Variants in AK5 observed in about 807,000 individuals in gnomAD.
AK5 encodes the protein adenylate kinase isoenzyme 5.
In AK5, 27 loss-of-function variants were observed where a neutral mutation model predicts 69.5. The ratio of observed to expected loss-of-function variants is 0.39; its 90% confidence interval spans 0.29 to 0.54. The LOEUF (loss-of-function observed/expected upper bound fraction) is 0.54. Among genes scored for constraint, AK5 ranks in the 20% least tolerant of loss-of-function variants. The probability of loss-of-function intolerance (pLI) is 0.71; values close to 1 mark genes in which losing one functional copy is unlikely to be tolerated. For missense variants in AK5, 531 were observed against 700.4 expected, an observed-to-expected ratio of 0.76 and a Z score of 2.73; for synonymous variants, 260 against 244.4, an observed-to-expected ratio of 1.06 and a Z score of -0.60.
At chr1:77,366,462 T>C (rs1646951735) in intron 6 of AK5, among the ~76,000 whole-genome samples, 1 of 152,160 alleles carries the variant, frequency 6.6e-6, no homozygotes, top group Admixed American at 6.6e-5. Flanking sequence ...AGAGATAAAA[T>C]AATTTGTCCA....
intron 5 of AK5, among the ~76,000 whole-genome samples, chr1:77,339,482 A>G (rs1192481468): frequency 6.6e-6 from 1 of 152,142 alleles, no homozygotes; most frequent in African/African-American, 2.4e-5. Flanking sequence ...GTGATAGTGA[A>G]AGGAACAGAG....
At chr1:77,349,212 A>G (rs2100406167) in intron 6 of AK5, among the ~76,000 whole-genome samples, 1 of 152,308 alleles carries the variant, frequency 6.6e-6, no homozygotes, top group Non-Finnish European at 1.5e-5. Flanking sequence ...GTTCTCACTT[A>G]TAAGTGGGAG....
chr1:77,469,942 T>C (rs1654361964), intron 8 of AK5, among the ~76,000 whole-genome samples: 1 of 152,206 alleles, frequency 6.6e-6, no homozygotes, highest in Non-Finnish European at 1.5e-5. Context: ...CAAGGAAAAG[T>C]GAACATCTGA....
intron 10 of AK5, among the ~76,000 whole-genome samples, chr1:77,517,069 A>AC (rs1491089782): frequency 8.4e-5 from 1 of 11,906 alleles, no homozygotes; most frequent in African/African-American, 8.4e-4. Context: ...AGACCATCTC[A>AC]AAAAAAAAAA....
At chr1:77,367,735 TAC>T (rs1205108969) in intron 6 of AK5, among the ~76,000 whole-genome samples, 4 of 51,924 alleles carry the variant, frequency 7.7e-5, no homozygotes, top group African/African-American at 2.1e-4. Context: ...ATGTTATATA[TAC>T]GTTATATGTT....
intron 8 of AK5, among the ~76,000 whole-genome samples, chr1:77,459,361 C>T (rs1325040430): frequency 1.3e-5 from 2 of 152,176 alleles, no homozygotes; most frequent in African/African-American, 4.8e-5. Context: ...TCCCCTGCTG[C>T]AGCCAGTTTT....
chr1:77,399,517 G>A (rs905360564), intron 6 of AK5, among the ~76,000 whole-genome samples: 1 of 152,168 alleles, frequency 6.6e-6, no homozygotes, highest in African/African-American at 2.4e-5. Flanking sequence ...AGGGGATAGG[G>A]GGCCAAAGCC....
chr1:77,422,968 C>A (rs961213003), intron 8 of AK5, among the ~76,000 whole-genome samples: 2 of 152,114 alleles, frequency 1.3e-5, no homozygotes, highest in African/African-American at 4.8e-5. Context: ...GTAATCCCAG[C>A]ACTTTGGGAG....
In AK5 at chr1:77,293,779, T is replaced by C; in HGVS notation, c.248-14T>C. 1 of 1,583,212 alleles carries C rather than the reference T, an allele frequency of 6.3e-7. No homozygotes were observed. ...GTGTTTTTTCCTTTTCAAAGTTATC[T>C]TACTCTTTTGCAGTAATGCCTGAAA... On this transcript the variant is annotated splice_polypyrimidine_tract_variant and intron_variant, in intron 2 of 13. Coordinates refer to ENST00000354567, the MANE Select transcript of AK5 (RefSeq NM_174858.3).
At chr1:77,333,467 C>T (rs886213404) in intron 5 of AK5, among the ~76,000 whole-genome samples, 1 of 152,078 alleles carries the variant, frequency 6.6e-6, no homozygotes, top group African/African-American at 2.4e-5. Flanking sequence ...AATTTACCTT[C>T]TATTTGTTCC....
chr1:77,396,801 A>T (rs1315820202), intron 6 of AK5, among the ~76,000 whole-genome samples: 1 of 152,236 alleles, frequency 6.6e-6, no homozygotes, highest in Non-Finnish European at 1.5e-5. Flanking sequence ...GTATGACCTT[A>T]AGTAAGTACT....
chr1:77,334,003 A>G (rs890347525), intron 5 of AK5, among the ~76,000 whole-genome samples: 3 of 152,148 alleles, frequency 2.0e-5, no homozygotes, highest in African/African-American at 7.2e-5. Context: ...TATATGGTTA[A>G]TATTTATTTA....
intron 8 of AK5, among the ~76,000 whole-genome samples, chr1:77,446,723 A>G (rs556421593): frequency 2.0e-5 from 3 of 152,034 alleles, no homozygotes; most frequent in Admixed American, 6.5e-5. Flanking sequence ...TGTTGTTGTT[A>G]TTGTTCAGGT....
At chr1:77,510,337 G>A (rs1458883600) in intron 10 of AK5, among the ~76,000 whole-genome samples, 1 of 152,150 alleles carries the variant, frequency 6.6e-6, no homozygotes, top group Non-Finnish European at 1.5e-5. Context: ...GGTCGTTGGT[G>A]TTACAGAGTC....
chr1:77,474,727 T>C (rs1039636605), intron 8 of AK5, among the ~76,000 whole-genome samples: 8 of 152,194 alleles, frequency 5.3e-5, no homozygotes, highest in Non-Finnish European at 1.2e-4. Flanking sequence ...AGAAAGGTGA[T>C]GTGACAAAGG....
intron 13 of AK5, among the ~76,000 whole-genome samples, chr1:77,543,102 C>T (rs1330045997): frequency 1.3e-5 from 2 of 152,156 alleles, no homozygotes; most frequent in Non-Finnish European, 2.9e-5. Flanking sequence ...CAATGGTCCA[C>T]ATTGTTCTGG....
At chr1:77,391,495 G>GTATGTGTGTATATATATATATA (rs1553144161) in intron 6 of AK5, among the ~76,000 whole-genome samples, 3 of 63,452 alleles carry the variant, frequency 4.7e-5, no homozygotes, top group African/African-American at 1.6e-4. Context: ...GTGTGTGTGT[G>GTATGTGTGTATATATATATATA]TATATATATA....
intron 6 of AK5, among the ~76,000 whole-genome samples, chr1:77,367,339 T>C (rs965062240): frequency 1.3e-5 from 2 of 150,868 alleles, no homozygotes; most frequent in Admixed American, 6.6e-5. Context: ...TTCTGGTTTT[T>C]GTTTTTTGAG....
chr1:77,287,226 T>G lies in AK5; in HGVS notation c.247+99T>G, dbSNP rs546673701. On this transcript the variant is annotated intron_variant, in intron 2 of 13. Transcript: ENST00000354567. The stretch of plus-strand genomic sequence containing the variant: ...ACACAGTGATTTCATTTTTTGAGTT[T>G]ATAAATGCCTGAAGTCATTGGATCA... 53 of 814,592 alleles carry G rather than the reference T, an allele frequency of 6.5e-5. 1 individual carries two copies. In the African/African-American group the frequency reaches 8.4e-4, roughly 13 times the overall value. 50.5% of individuals were successfully genotyped at this position (814,592 alleles called of 1,614,324 possible).
Sources: allele counts gnomAD v4.1 joint callset (sites outside exome capture counted in the v4.1 genomes callset), GRCh38; gene constraint gnomAD v4.1.1; transcripts MANE v1.5; gene names NCBI Gene and HGNC (gene_info 2026-07-23, HGNC 2026-07-21).